The following THBS4 variants were observed in gnomAD, a reference collection of about 807,000 sequenced individuals.
THBS4 encodes thrombospondin 4.
THBS4 carries 90 observed loss-of-function variants against 115.7 expected under a neutral mutation model. That is an observed-to-expected ratio of 0.78 (90% CI 0.66 to 0.93). THBS4 has a LOEUF of 0.93. Ranked by LOEUF, THBS4 falls within the 40% of genes least tolerant of loss-of-function variation. The probability of loss-of-function intolerance (pLI) is 0.00; values close to 1 mark genes in which losing one functional copy is unlikely to be tolerated. For missense variants in THBS4, 1,087 were observed against 1,232.7 expected (o/e 0.88, Z 1.77); for synonymous variants, 460 against 479.3 (o/e 0.96, Z 0.53).
chr5:80,072,570 C>T, intron 14 of THBS4, 174 bp downstream of exon 14: 1 of 640,624 alleles, frequency 1.6e-6, no homozygotes, highest in East Asian at 2.6e-5. Flanking sequence ...ATGAACACCA[C>T]ACAAGATCTG....
chr5:80,028,740 T>C (rs188331838), intron 2 of THBS4, among the ~76,000 whole-genome samples: 167 of 152,312 alleles, frequency 1.1e-3, no homozygotes, highest in African/African-American at 3.9e-3. Flanking sequence ...ATTACAGGCG[T>C]GAGCTACCAT....
intron 1 of THBS4, among the ~76,000 whole-genome samples, chr5:80,038,182 A>T (rs968760358): frequency 1.1e-4 from 16 of 152,332 alleles, no homozygotes; most frequent in Admixed American, 1.0e-3. Flanking sequence ...TAAAAAGAAA[A>T]GAGGAAATTT....
At chr5:80,030,543 A>AT (rs1408853607), upstream of THBS4, among the ~76,000 whole-genome samples, 1 of 151,914 alleles carries the variant, frequency 6.6e-6, no homozygotes, top group African/African-American at 2.4e-5. Flanking sequence ...AATTGTTTGT[A>AT]TTTTTAGTAG....
At position 80,061,845 on chromosome 5, in the gene THBS4, C is replaced by A; in HGVS notation, c.1125+13C>A. ...GTCAAACAAGCAGGTAGGCTGAAGT[C>A]ATGGTTTCTATTCATTTCTCATCTT... On this transcript the variant is annotated intron_variant, in intron 8 of 21. Coordinates refer to ENST00000350881, the MANE Select transcript of THBS4 (RefSeq NM_003248.6). 2 of 1,601,986 alleles carry A rather than the reference C, an allele frequency of 1.2e-6. No individual in the cohort carries two copies. Among genetic ancestry groups the A allele is most frequent in the South Asian group, 2.2e-5 (2 of 90,058 alleles).
intron 7 of THBS4, 135 bp from the exon 8 acceptor site, chr5:80,061,560 A>G (rs1833634914): frequency 1.7e-6 from 2 of 1,200,078 alleles, no homozygotes; most frequent in Non-Finnish European, 2.3e-6. Context: ...TGGAGTTGGA[A>G]GCCTTTATTT....
At chr5:80,058,666 C>T (rs1191207344) in intron 4 of THBS4, 42 bp from the exon 5 acceptor site, 1 of 1,577,932 alleles carries the variant, frequency 6.3e-7, no homozygotes, top group Admixed American at 1.7e-5. Flanking sequence ...TAGAAATGAC[C>T]ATCACTGGCT....
At chr5:80,037,433 T>C (rs1462858258) in intron 1 of THBS4, among the ~76,000 whole-genome samples, 2 of 152,222 alleles carry the variant, frequency 1.3e-5, no homozygotes, top group African/African-American at 4.8e-5. Context: ...CATACCATGG[T>C]AGCTGCGCTC....
chr5:80,010,606 C>T (rs1832104662), intron 2 of THBS4, among the ~76,000 whole-genome samples: 1 of 152,238 alleles, frequency 6.6e-6, no homozygotes, highest in African/African-American at 2.4e-5. Context: ...GTGGGTCCCC[C>T]AGGAAACAGA....
At chr5:80,023,164 G>A (rs561703554) in intron 2 of THBS4, among the ~76,000 whole-genome samples, 6 of 152,298 alleles carry the variant, frequency 3.9e-5, no homozygotes, top group Admixed American at 2.6e-4. Flanking sequence ...ATTCCCGAGT[G>A]TCCATTACAG....
chr5:80,037,664 T>C (rs540808392), intron 1 of THBS4, among the ~76,000 whole-genome samples: 96 of 152,340 alleles, frequency 6.3e-4, no homozygotes, highest in African/African-American at 2.3e-3. Context: ...AGTTACATCA[T>C]GAACCTGATC....
rs1467194213 is a variant in THBS4 at position 80,059,728 on chromosome 5, C to T, written c.810C>T (p.Thr270=). The T allele has an allele frequency of 6.2e-7, 1 of 1,614,160 alleles. No individual in the cohort carries two copies. The highest frequency in any genetic ancestry group is 8.5e-7 in the Non-Finnish European group (1 of 1,180,034). The change falls in exon 7 of 22, where the codon ACC becomes ACT. Residue 270 remains threonine (T), a synonymous_variant. Transcript: ENST00000350881. The part of the protein sequence containing the change: ...ACGPLKFQSP[T]PSTVVPPAPP... The stretch of plus-strand genomic sequence containing the variant: ...GTCCTCTCAAGTTTCAGTCTCCGAC[C>T]CCAAGCACGGTGGTGCCCCCGGCTC...
intron 2 of THBS4, among the ~76,000 whole-genome samples, chr5:80,045,159 T>C (rs1179347685): frequency 6.6e-6 from 1 of 152,212 alleles, no homozygotes; most frequent in East Asian, 1.9e-4. Flanking sequence ...AGATTTCCAC[T>C]ATTTAGGCAA....
At chr5:80,065,575 T>G (rs1483362665) in intron 9 of THBS4, 98 bp downstream of exon 9, 5 of 1,085,724 alleles carry the variant, frequency 4.6e-6, no homozygotes, top group Non-Finnish European at 6.5e-6. Flanking sequence ...CTAGAACATG[T>G]GGGCATAATA....
Position 80,079,236 on chromosome 5 carries a change from C to T in THBS4, c.2489C>T (p.Ala830Val), listed in dbSNP as rs1743372140. The T allele has an allele frequency of 4.3e-6, 7 of 1,612,000 alleles. No individual in the cohort carries two copies. The highest frequency in any genetic ancestry group is 5.9e-6 in the Non-Finnish European group (7 of 1,178,746). ...YWQATPFRAV[A>V]EPGIQLKAVK... ...CAAGCCACCCCATTCCGAGCAGTTG[C>T]AGAACCTGGCATTCAGCTCAAGGTA... is the stretch of plus-strand genomic sequence containing the variant. The change falls in exon 19 of 22, where the codon GCA (alanine) becomes GTA (valine). Residue 830 changes from alanine to valine, a missense_variant. Transcript: ENST00000350881.
At chr5:80,065,386 T>G (rs1166928464) in intron 8 of THBS4, 23 bp from the exon 9 acceptor site, 3 of 1,602,148 alleles carry the variant, frequency 1.9e-6, no homozygotes, top group Non-Finnish European at 2.6e-6. Context: ...TCGCTAAACT[T>G]TCTTTGAACT....
In THBS4 at chr5:80,083,113, C is replaced by G. The variant is rs769264554; in HGVS notation, c.2858C>G (p.Thr953Ser). The change falls in exon 22 of 22, where the codon ACC (threonine) becomes AGC (serine). Residue 953 changes from threonine (T) to serine (S), a missense_variant. Thr to Ser is a moderately conservative substitution (Grantham distance 58). This residue lies in a region of THBS4 where 103 missense variants were observed against 108.2 expected (regional missense o/e 0.95). Coordinates refer to ENST00000350881, the MANE Select transcript of THBS4 (RefSeq NM_003248.6). ...TIPEDFQEFQTQNFDRFDN is the reference protein window; with the variant it reads ...TIPEDFQEFQSQNFDRFDN The stretch of plus-strand genomic sequence containing the variant: ...CCTGAGGACTTCCAAGAGTTTCAAA[C>G]CCAGAATTTCGACCGCTTCGATAAT... The G allele has an allele frequency of 3.1e-6, 5 of 1,613,946 alleles. No individual in the cohort carries two copies. In the African/African-American group the frequency reaches 4.0e-5, roughly 13 times the overall value.
At chr5:80,039,741 C>G (rs147603870) in intron 1 of THBS4, among the ~76,000 whole-genome samples, 24 of 152,260 alleles carry the variant, frequency 1.6e-4, no homozygotes, top group African/African-American at 5.5e-4. Context: ...CACCAGTCCC[C>G]CTTGTACTTT....
chr5:80,072,240 A>G, intron 13 of THBS4, 38 bp from the exon 14 acceptor site: 3 of 1,563,710 alleles, frequency 1.9e-6, no homozygotes, highest in African/African-American at 1.4e-5. Context: ...GAAGTCAGTG[A>G]CATTCCCCTG....
Position 80,071,118 on chromosome 5 carries a change from A to T in THBS4, c.1658A>T (p.Asp553Val). 1 of 1,609,586 alleles carries T rather than the reference A, an allele frequency of 6.2e-7. No individual in the cohort carries two copies. Among genetic ancestry groups the T allele is most frequent in the Non-Finnish European group, 8.5e-7 (1 of 1,178,974 alleles). ...CDNCLSVLNN[D>V]QKDTDGDGRG... is the part of the protein sequence containing the mutation. ...AACTGCCTGAGTGTCTTAAATAACGACCAGAAAGACACCGATGGGGATGGA... is the reference window on the plus strand; with the variant it reads ...AACTGCCTGAGTGTCTTAAATAACGTCCAGAAAGACACCGATGGGGATGGA... Residue 553 changes from aspartate to valine, a missense_variant, in exon 13 of 22, where the codon GAC (aspartate) becomes GTC (valine). Physicochemically the swap from Asp to Val is radical, Grantham distance 152. This residue lies in a region of THBS4 where 979 missense variants were observed against 1,103.7 expected (regional missense o/e 0.89). Coordinates refer to ENST00000350881, the MANE Select transcript of THBS4 (RefSeq NM_003248.6).
Sources: allele counts gnomAD v4.1 joint callset (sites outside exome capture counted in the v4.1 genomes callset), GRCh38; gene constraint gnomAD v4.1.1; regional missense constraint gnomAD v4.1.1; transcripts MANE v1.5; gene names NCBI Gene and HGNC (gene_info 2026-07-23, HGNC 2026-07-21).